Variants in SAV1 observed in about 807,000 individuals in gnomAD.
The protein encoded by SAV1 is protein salvador homolog 1.
SAV1 carries 23 observed loss-of-function variants against 47.3 expected under a neutral mutation model. That is an observed-to-expected ratio of 0.49 (90% CI 0.35 to 0.69). SAV1 has a LOEUF of 0.69. SAV1 is among the 30% of genes least tolerant of loss of function. The pLI, the probability that SAV1 is intolerant of heterozygous loss-of-function variation, is 0.01. For missense variants in SAV1, 448 were observed against 457.4 expected (o/e 0.98, Z 0.19); for synonymous variants, 155 against 159.2 (o/e 0.97, Z 0.20).
chr14:50,637,663 A>ATTTTTTTTTTTTTTTTTTTT lies in SAV1; in HGVS notation c.951-2280_951-2279insAAAAAAAAAAAAAAAAAAAA, dbSNP rs771403561. The ATTTTTTTTTTTTTTTTTTTT allele has an allele frequency of 2.3e-5, 3 of 128,766 alleles. 1 individual carries two copies. Among genetic ancestry groups the ATTTTTTTTTTTTTTTTTTTT allele is most frequent in the Non-Finnish European group, 3.1e-5 (2 of 64,320 alleles). The allele number at this position is 128,766 out of a possible 1,614,324, so 8.0% of individuals were successfully genotyped here. A position where few individuals can be genotyped will look rare whatever the true frequency, so the allele number is the denominator to read the frequency against. ...GAAAAAATCTTCAAACAATTTTGTC[A>ATTTTTTTTTTTTTTTTTTTT]GTTTTTTTTTTTTTTTTTTTTTTTT... On this transcript the variant is annotated intron_variant, in intron 4 of 4. Transcript: ENST00000324679.
Position 50,633,778 on chromosome 14 carries a change from T to C in SAV1, c.*1405A>G, listed in dbSNP as rs1566737940. ...TGGAAGACTTCCTAAGCTAAAAGTATATTTACATATTTACAACACATGTAA... is the reference window on the plus strand; with the variant it reads ...TGGAAGACTTCCTAAGCTAAAAGTACATTTACATATTTACAACACATGTAA... On this transcript the variant is annotated 3_prime_UTR_variant, in exon 5 of 5. Coordinates refer to ENST00000324679, the MANE Select transcript of SAV1 (RefSeq NM_021818.4). 6.5e-6 allele frequency: 1 copy of C among 152,900 alleles called. No individual in the cohort carries two copies. The highest frequency in any genetic ancestry group is 6.5e-5 in the Admixed American group (1 of 15,304). The allele number at this position is 152,900 out of a possible 1,614,324, so 9.5% of individuals were successfully genotyped here.
intron 2 of SAV1, among the ~76,000 whole-genome samples, chr14:50,658,618 T>C (rs546074074): frequency 6.6e-6 from 1 of 152,224 alleles, no homozygotes; most frequent in Non-Finnish European, 1.5e-5. Context: ...TTGACAGGAA[T>C]TACTATTGCC....
chr14:50,638,323 C>T (rs1015385453), intron 4 of SAV1, among the ~76,000 whole-genome samples: 7 of 152,116 alleles, frequency 4.6e-5, no homozygotes, highest in South Asian at 2.1e-4. Context: ...TAAATCATTC[C>T]GAAAATTGGG....
At chr14:50,638,880 G>A (rs1386965036) in intron 4 of SAV1, among the ~76,000 whole-genome samples, 2 of 152,146 alleles carry the variant, frequency 1.3e-5, no homozygotes, top group Non-Finnish European at 2.9e-5. Flanking sequence ...TGATTCTCCT[G>A]CCTCAGCCTC....
rs1343775756 is a variant in SAV1 at position 50,665,289 on chromosome 14, C to T, written c.425G>A (p.Gly142Asp). 2 of 1,613,688 alleles carry T rather than the reference C, an allele frequency of 1.2e-6. No homozygotes were observed. The highest frequency in any genetic ancestry group is 2.2e-5 in the East Asian group (1 of 44,884). Residue 142 changes from glycine to aspartate, a missense_variant, in exon 2 of 5, where the codon GGT becomes GAT. By Grantham distance (94) the Gly-to-Asp change is moderately conservative (BLOSUM62 -1). Coordinates refer to ENST00000324679, the MANE Select transcript of SAV1 (RefSeq NM_021818.4). ...ATCTCCAAGTGGCCGCTTTCTCTGA[C>T]CATCAAAAAAATTGTCTGAATAATA... Reference protein sequence around the residue: ...RYYYSDNFFDGQRKRPLGDRA... With the variant: ...RYYYSDNFFDDQRKRPLGDRA...
At chr14:50,657,146 T>C (rs2039819994) in intron 2 of SAV1, among the ~76,000 whole-genome samples, 1 of 151,510 alleles carries the variant, frequency 6.6e-6, no homozygotes, top group Non-Finnish European at 1.5e-5. Context: ...GCGATTCTCC[T>C]GCCTCAGACT....
chr14:50,649,776 G>A (rs2039752202), intron 2 of SAV1, among the ~76,000 whole-genome samples: 1 of 152,168 alleles, frequency 6.6e-6, no homozygotes, highest in Non-Finnish European at 1.5e-5. Flanking sequence ...CAAGGATACA[G>A]CATTTAAATG....
chr14:50,668,007 C>T lies in SAV1; in HGVS notation c.-40G>A. 6.7e-7 allele frequency: 1 copy of T among 1,487,282 alleles called. No homozygotes were observed. The highest frequency in any genetic ancestry group is 1.3e-5 in the South Asian group (1 of 76,550). The allele number at this position is 1,487,282 out of a possible 1,614,324, so 92.1% of individuals were successfully genotyped here. ...CCCGAGGCCGCGCTGAACTGCCTCC[C>T]TAGGGCTCCGCGCCGGGCGCCGGCC... On this transcript the variant is annotated 5_prime_UTR_variant, in exon 1 of 5. The change abolishes the stop of an existing upstream ORF in the 5' untranslated region. Coordinates refer to ENST00000324679, the MANE Select transcript of SAV1 (RefSeq NM_021818.4).
At chr14:50,649,429 C>G (rs2039749266) in intron 2 of SAV1, among the ~76,000 whole-genome samples, 1 of 152,174 alleles carries the variant, frequency 6.6e-6, no homozygotes, top group African/African-American at 2.4e-5. Flanking sequence ...AATAAATAAG[C>G]TGCAGTAATA....
At chr14:50,648,831 G>C (rs1225267170) in intron 2 of SAV1, among the ~76,000 whole-genome samples, 1 of 152,058 alleles carries the variant, frequency 6.6e-6, no homozygotes, top group East Asian at 1.9e-4. Flanking sequence ...CCGAAACTCA[G>C]TGGCTTAAAA....
chr14:50,653,877 AAAAAGTTATATTTTAC>A (rs1028897700), intron 2 of SAV1, among the ~76,000 whole-genome samples: 3 of 152,160 alleles, frequency 2.0e-5, no homozygotes, highest in African/African-American at 4.8e-5. Context: ...CAAAAAAAAA[AAAAAGTTATATTTTAC>A]AATATATTGC....
rs2039813273 is a variant in SAV1 at position 50,656,476 on chromosome 14, CTT to C, written c.535+8701_535+8702del. Among the ~76,000 whole-genome samples the C allele has an allele frequency of 3.7e-5, 5 of 135,864 alleles. No homozygotes were observed. In the East Asian group the frequency reaches 8.7e-4, roughly 24 times the overall value. The allele number at this position is 135,864 out of a possible 152,430, so 89.1% of individuals were successfully genotyped here. A position where few individuals can be genotyped will look rare whatever the true frequency, so the allele number is the denominator to read the frequency against. On this transcript the variant is annotated intron_variant, in intron 2 of 4. Transcript: ENST00000324679. ...TTTTTTTTTGAGATGGAGTCTCACT[CTT>C]GTCGCCCAGGTTGGAGTGCGGTGGC...
intron 2 of SAV1, among the ~76,000 whole-genome samples, chr14:50,648,304 A>G (rs1019713637): frequency 1.6e-4 from 24 of 152,334 alleles, no homozygotes; most frequent in Admixed American, 1.2e-3. Context: ...GGAGTTGACT[A>G]TAAGAGGACA....
chr14:50,667,861 G>A lies in SAV1; in HGVS notation c.94+13C>T. On this transcript the variant is annotated intron_variant, in intron 1 of 4. Transcript: ENST00000324679. Reference sequence around the variant, plus strand: ...CCTGGGCCAGGTGTGGGCACGCCCCGCCTGACACTCACTCCGAAGCAGAGG... The same window carrying A: ...CCTGGGCCAGGTGTGGGCACGCCCCACCTGACACTCACTCCGAAGCAGAGG... 2 of 1,610,788 alleles carry A rather than the reference G, an allele frequency of 1.2e-6. No individual in the cohort carries two copies. The highest frequency in any genetic ancestry group is 1.7e-6 in the Non-Finnish European group (2 of 1,177,520).
At chr14:50,645,433 C>G (rs183427059) in intron 2 of SAV1, among the ~76,000 whole-genome samples, 2 of 152,088 alleles carry the variant, frequency 1.3e-5, no homozygotes, top group East Asian at 3.9e-4. Flanking sequence ...GTTTTATGCA[C>G]AAAATTATTT....
At chr14:50,636,393 C>A (rs2039634831) in intron 4 of SAV1, among the ~76,000 whole-genome samples, 1 of 152,044 alleles carries the variant, frequency 6.6e-6, no homozygotes, top group African/African-American at 2.4e-5. Context: ...TCTAAGTATT[C>A]TTGAGGCTGA....
At position 50,634,245 on chromosome 14, in the gene SAV1, T is replaced by A; in HGVS notation, c.*938A>T. 4 of 440,508 alleles carry A rather than the reference T, an allele frequency of 9.1e-6. No homozygotes were observed. Among genetic ancestry groups the A allele is most frequent in the South Asian group, 6.4e-5 (4 of 62,068 alleles). The allele number at this position is 440,508 out of a possible 1,614,324, so 27.3% of individuals were successfully genotyped here. A position where few individuals can be genotyped will look rare whatever the true frequency, so the allele number is the denominator to read the frequency against. On this transcript the variant is annotated 3_prime_UTR_variant, in exon 5 of 5. Transcript: ENST00000324679. ...CTTCCCAATACAGGCTAAGTATTCC[T>A]GCTTATATGTATTCCTGAAAGATTA...
chr14:50,656,943 G>A (rs1420351784), intron 2 of SAV1, among the ~76,000 whole-genome samples: 1 of 151,414 alleles, frequency 6.6e-6, no homozygotes, highest in Non-Finnish European at 1.5e-5. Flanking sequence ...CATTCCTCCA[G>A]TATGAGTTCA....
At chr14:50,664,180 A>G (rs1490942779) in intron 2 of SAV1, 1 of 152,228 alleles carries the variant, frequency 6.6e-6, no homozygotes, top group Non-Finnish European at 1.5e-5. Context: ...TGTTTCCACA[A>G]ATAAGGTACT....
Sources: allele counts gnomAD v4.1 joint callset (sites outside exome capture counted in the v4.1 genomes callset), GRCh38; gene constraint gnomAD v4.1.1; transcripts MANE v1.5; gene names NCBI Gene and HGNC (gene_info 2026-07-23, HGNC 2026-07-21).